Variants in ENOX1 observed in about 807,000 individuals in gnomAD.
The protein encoded by ENOX1 is ecto-NOX disulfide-thiol exchanger 1.
Under a neutral mutation model 82.5 loss-of-function variants are expected in ENOX1, and 42 were observed. That is an observed-to-expected ratio of 0.51 (90% CI 0.40 to 0.66). The LOEUF is 0.66. Ranked by LOEUF, ENOX1 falls within the 30% of genes least tolerant of loss-of-function variation. The probability of loss-of-function intolerance (pLI) is 0.00; values close to 1 mark genes in which losing one functional copy is unlikely to be tolerated. For missense variants in ENOX1, 608 were observed against 811.6 expected, an observed-to-expected ratio of 0.75 and a Z score of 3.05; for synonymous variants, 271 against 282.2, an observed-to-expected ratio of 0.96 and a Z score of 0.40.
intron 5 of ENOX1, among the ~76,000 whole-genome samples, chr13:43,399,907 A>G (rs2053394140): frequency 6.6e-6 from 1 of 151,914 alleles, no homozygotes; most frequent in Non-Finnish European, 1.5e-5. Context: ...TGCCATCCTC[A>G]GCTCTGCCCA....
chr13:43,451,849 C>A (rs1566256038), intron 3 of ENOX1, among the ~76,000 whole-genome samples: 1 of 152,110 alleles, frequency 6.6e-6, no homozygotes, highest in Non-Finnish European at 1.5e-5. Context: ...CAGACAAAAT[C>A]CCTTATGTAG....
chr13:43,629,035 G>A (rs1294110700), intron 2 of ENOX1, among the ~76,000 whole-genome samples: 1 of 152,100 alleles, frequency 6.6e-6, no homozygotes, highest in Non-Finnish European at 1.5e-5. Context: ...GGTAGAAGTG[G>A]AAATCTACCA....
At chr13:43,282,345 C>T (rs1040019200) in intron 12 of ENOX1, among the ~76,000 whole-genome samples, 1 of 151,772 alleles carries the variant, frequency 6.6e-6, no homozygotes, top group East Asian at 1.9e-4. Flanking sequence ...TTTAACTGTC[C>T]TTGTTTTATT....
At chr13:43,663,606 A>G (rs1312590068) in intron 2 of ENOX1, among the ~76,000 whole-genome samples, 1 of 152,146 alleles carries the variant, frequency 6.6e-6, no homozygotes, top group Non-Finnish European at 1.5e-5. Context: ...TTTCTCCCAC[A>G]TAAATTATAA....
chr13:43,720,746 T>C (rs1322797331), intron 1 of ENOX1, among the ~76,000 whole-genome samples: 1 of 152,220 alleles, frequency 6.6e-6, no homozygotes, highest in Non-Finnish European at 1.5e-5. Context: ...CTTATTTGTA[T>C]ACAGCTTTTT....
intron 1 of ENOX1, among the ~76,000 whole-genome samples, chr13:43,675,472 C>T (rs2085465300): frequency 6.6e-6 from 1 of 152,130 alleles, no homozygotes; most frequent in Non-Finnish European, 1.5e-5. Flanking sequence ...TCTGCCTTAG[C>T]ATGAATAGCA....
chr13:43,695,950 C>A (rs796457774), intron 1 of ENOX1, among the ~76,000 whole-genome samples: 5 of 152,220 alleles, frequency 3.3e-5, no homozygotes, highest in African/African-American at 7.2e-5. Flanking sequence ...CACTCCCCAT[C>A]CCCCCACTAC....
At chr13:43,410,129 TC>T (rs773840366) in intron 5 of ENOX1, among the ~76,000 whole-genome samples, 5 of 152,190 alleles carry the variant, frequency 3.3e-5, no homozygotes, top group Non-Finnish European at 7.4e-5. Context: ...GTCAGAAGAC[TC>T]AAAATTACAA....
chr13:43,259,611 ATTTACAGGCATGTGCCAC>A (rs2043941900), intron 14 of ENOX1, among the ~76,000 whole-genome samples: 2 of 151,878 alleles, frequency 1.3e-5, no homozygotes, highest in Admixed American at 1.3e-4. Flanking sequence ...AGTAGCTGGG[ATTTACAGGCATGTGCCAC>A]TATGCCCAGC....
At chr13:43,406,313 G>A (rs935844440) in intron 5 of ENOX1, among the ~76,000 whole-genome samples, 2 of 152,102 alleles carry the variant, frequency 1.3e-5, no homozygotes, top group African/African-American at 4.8e-5. Flanking sequence ...CAGAATGGCA[G>A]GAAACAGAAG....
chr13:43,338,554 C>A (rs1952118181), intron 9 of ENOX1, among the ~76,000 whole-genome samples: 1 of 151,816 alleles, frequency 6.6e-6, no homozygotes, highest in Admixed American at 6.6e-5. Flanking sequence ...GCCCCAGGTG[C>A]CACAGCAGGA....
At chr13:43,219,783 A>G (rs891462322) in intron 16 of ENOX1, among the ~76,000 whole-genome samples, 2 of 152,176 alleles carry the variant, frequency 1.3e-5, no homozygotes, top group African/African-American at 4.8e-5. Flanking sequence ...ATGCAAATCA[A>G]TTTGTTCTCA....
chr13:43,324,680 T>C (rs1223525504), intron 10 of ENOX1, among the ~76,000 whole-genome samples: 1 of 152,206 alleles, frequency 6.6e-6, no homozygotes, highest in Non-Finnish European at 1.5e-5. Flanking sequence ...GGAGCACCTT[T>C]GACAGCTGCA....
chr13:43,408,657 G>C (rs1030637574), intron 5 of ENOX1, among the ~76,000 whole-genome samples: 1 of 149,424 alleles, frequency 6.7e-6, no homozygotes, highest in African/African-American at 2.5e-5. Flanking sequence ...ACCAGGTACA[G>C]TAAAAAGGGC....
chr13:43,745,463 T>C (rs968863712), intron 1 of ENOX1, among the ~76,000 whole-genome samples: 3 of 152,178 alleles, frequency 2.0e-5, no homozygotes, highest in African/African-American at 7.2e-5. Flanking sequence ...TGTGGACATA[T>C]CAGTTTTCTT....
rs2088105232 is a variant in ENOX1, at chr13:43,716,058, T to C, written c.-284-48514A>G. ...ATCTCTGAAGCCTTCTTCTCTCAACTCATCAAAGTCATTCTCCGTCCAGCT... is the reference window on the plus strand; with the variant it reads ...ATCTCTGAAGCCTTCTTCTCTCAACCCATCAAAGTCATTCTCCGTCCAGCT... On this transcript the variant is annotated intron_variant, in intron 1 of 16. Transcript: ENST00000690772. 2.0e-5 allele frequency among the ~76,000 whole-genome samples: 3 copies of C among 152,254 alleles called. No homozygotes were observed. The South Asian group carries it at 6.2e-4, about 31-fold the overall frequency.
chr13:43,669,903 A>T (rs997300056), intron 1 of ENOX1, among the ~76,000 whole-genome samples: 5 of 152,166 alleles, frequency 3.3e-5, no homozygotes, highest in Admixed American at 3.3e-4. Flanking sequence ...TGTTGTACTG[A>T]AAGGGGATAA....
rs148014513 is a variant in ENOX1 at position 43,384,498 on chromosome 13, T to C, written c.209-23046A>G. Among the ~76,000 whole-genome samples the C allele has an allele frequency of 2.6e-3, 389 of 152,338 alleles. 1 individual carries two copies. Among genetic ancestry groups the C allele is most frequent in the African/African-American group, 8.9e-3 (372 of 41,580 alleles). ...CCATAACCCCATGAATTAGATGATA[T>C]AACTTCCATTTTCCAGATAACAAAA... is the stretch of plus-strand genomic sequence containing the variant. On this transcript the variant is annotated intron_variant, in intron 5 of 16. Coordinates refer to ENST00000690772, the MANE Select transcript of ENOX1 (RefSeq NM_001347969.2).
intron 3 of ENOX1, among the ~76,000 whole-genome samples, chr13:43,467,478 T>C (rs755055999): frequency 9.3e-5 from 14 of 150,762 alleles, no homozygotes; most frequent in South Asian, 2.1e-4. Flanking sequence ...TTATTGGCCA[T>C]TTATAGTATC....
Sources: allele counts gnomAD v4.1 joint callset (sites outside exome capture counted in the v4.1 genomes callset), GRCh38; gene constraint gnomAD v4.1.1; transcripts MANE v1.5; gene names NCBI Gene and HGNC (gene_info 2026-07-23, HGNC 2026-07-21).